The following PHACTR1 variants were observed in gnomAD, a reference collection of about 807,000 sequenced individuals.
The protein encoded by PHACTR1 is phosphatase and actin regulator 1, also known as RPEL repeat containing 1.
In PHACTR1, 16 loss-of-function variants were observed where a neutral mutation model predicts 69.2. The observed-to-expected ratio is 0.23, with a 90% confidence interval of 0.16 to 0.35. PHACTR1 has a LOEUF of 0.35. Among genes scored for constraint, PHACTR1 ranks in the 10% least tolerant of loss-of-function variants. The pLI is 1.00. For missense variants in PHACTR1, 510 were observed against 734.7 expected, an observed-to-expected ratio of 0.69 and a Z score of 3.54; for synonymous variants, 312 against 284.5, an observed-to-expected ratio of 1.10 and a Z score of -0.97.
rs553841394 is a variant in PHACTR1 at position 12,782,716 on chromosome 6, A to C, written c.250+32926A>C. Among the ~76,000 whole-genome samples, 3 of 152,362 alleles carry C rather than the reference A, an allele frequency of 2.0e-5. No homozygotes were observed. In the South Asian group the frequency reaches 6.2e-4, roughly 32 times the overall value. ...ATAATGGCCAGCCATAGAATTAAAA[A>C]AGAGGACTACTATTAATTAGACAGG... On this transcript the variant is annotated intron_variant, in intron 4 of 14. Coordinates refer to ENST00000332995, the MANE Select transcript of PHACTR1 (RefSeq NM_030948.6).
intron 4 of PHACTR1, among the ~76,000 whole-genome samples, chr6:12,867,607 T>C (rs933553342): frequency 4.6e-5 from 7 of 152,212 alleles, no homozygotes; most frequent in Non-Finnish European, 4.4e-5. Flanking sequence ...ATTTTAACAC[T>C]AGCCCTCTTG....
At chr6:13,250,240 G>A (rs1423936435) in intron 10 of PHACTR1, among the ~76,000 whole-genome samples, 2 of 152,170 alleles carry the variant, frequency 1.3e-5, no homozygotes, top group Non-Finnish European at 2.9e-5. Flanking sequence ...TCACAGTGCT[G>A]ATCCTAGATC....
At chr6:13,061,347 ACC>A (rs1194634109) in intron 5 of PHACTR1, among the ~76,000 whole-genome samples, 1 of 152,154 alleles carries the variant, frequency 6.6e-6, no homozygotes, top group Admixed American at 6.5e-5. Flanking sequence ...TTGGCAGGGG[ACC>A]CACTGCAGTA....
intron 4 of PHACTR1, among the ~76,000 whole-genome samples, chr6:13,039,274 TA>T (rs1422403523): frequency 4.6e-5 from 7 of 152,232 alleles, no homozygotes; most frequent in Non-Finnish European, 1.0e-4. Flanking sequence ...ACTATTCAGA[TA>T]GTTGCTGTGA....
intron 4 of PHACTR1, among the ~76,000 whole-genome samples, chr6:12,905,491 C>T (rs1430809532): frequency 2.0e-5 from 3 of 152,204 alleles, no homozygotes; most frequent in Non-Finnish European, 2.9e-5. Flanking sequence ...TGCTATTCTT[C>T]TGGGGTCCAG....
intron 5 of PHACTR1, among the ~76,000 whole-genome samples, chr6:13,067,242 C>T (rs2127765802): frequency 6.6e-6 from 1 of 152,278 alleles, no homozygotes; most frequent in Non-Finnish European, 1.5e-5. Flanking sequence ...ATTAACTTCA[C>T]TTGACAGGTG....
rs929951887 is a variant in PHACTR1 at position 13,053,438 on chromosome 6, C to T, written c.324C>T (p.Arg108=). ...LVPGTHTPPI[R]RRSKFANLGR... is the part of the protein sequence containing the mutation. ...CAGGCACCCACACCCCACCCATCCGCAGGAGAAGTAAGTTTGCCAACCTGG... is the reference window on the plus strand; with the variant it reads ...CAGGCACCCACACCCCACCCATCCGTAGGAGAAGTAAGTTTGCCAACCTGG... The change falls in exon 5 of 15, where the codon CGC becomes CGT. Residue 108 remains arginine (R), a synonymous_variant. Transcript: ENST00000332995. 1 of 1,613,812 alleles carries T rather than the reference C, an allele frequency of 6.2e-7. No individual in the cohort carries two copies. Among genetic ancestry groups the T allele is most frequent in the Non-Finnish European group, 8.5e-7 (1 of 1,179,828 alleles).
chr6:13,231,115 AAG>A (rs35635704), intron 10 of PHACTR1, among the ~76,000 whole-genome samples: 28,714 of 65,848 alleles, frequency 0.44, 10,391 homozygotes, highest in Admixed American at 0.55. Context: ...GAAAGAAGGA[AAG>A]AGAGAAAGAA....
intron 4 of PHACTR1, among the ~76,000 whole-genome samples, chr6:12,899,342 G>C (rs527960074): frequency 6.6e-6 from 1 of 152,244 alleles, no homozygotes; most frequent in African/African-American, 2.4e-5. Flanking sequence ...CATTTTAAAG[G>C]CATTAAAGTA....
intron 6 of PHACTR1, among the ~76,000 whole-genome samples, chr6:13,168,643 G>A (rs1385748897): frequency 3.3e-5 from 5 of 152,140 alleles, no homozygotes; most frequent in African/African-American, 7.2e-5. Context: ...ATCACCCGCC[G>A]AGGCCTGGGG....
intron 7 of PHACTR1, among the ~76,000 whole-genome samples, chr6:13,186,226 T>G (rs769177392): frequency 5.3e-5 from 8 of 152,222 alleles, no homozygotes; most frequent in Non-Finnish European, 1.2e-4. Context: ...CCCATAAGCC[T>G]CCTTCTAGGC....
intron 4 of PHACTR1, among the ~76,000 whole-genome samples, chr6:12,976,006 A>G (rs577984693): frequency 3.0e-4 from 46 of 152,200 alleles, no homozygotes; most frequent in Non-Finnish European, 6.5e-4. Context: ...GGCGGGAGGA[A>G]TGGGAAAATT....
At chr6:12,984,788 A>T (rs58642921) in intron 4 of PHACTR1, among the ~76,000 whole-genome samples, 70,850 of 151,718 alleles carry the variant, frequency 0.47, 17,983 homozygotes, top group African/African-American at 0.67. Flanking sequence ...TCATAAGGAA[A>T]AAGCAAACCG....
At chr6:12,850,530 C>G (rs915077931) in intron 4 of PHACTR1, among the ~76,000 whole-genome samples, 2 of 152,242 alleles carry the variant, frequency 1.3e-5, no homozygotes, top group African/African-American at 4.8e-5. Context: ...AGTTGGGTCT[C>G]CAGTAGCCTT....
intron 4 of PHACTR1, among the ~76,000 whole-genome samples, chr6:12,831,721 C>T (rs190651172): frequency 2.4e-4 from 36 of 152,252 alleles, no homozygotes; most frequent in African/African-American, 8.2e-4. Context: ...AATGCTCATA[C>T]AGTAATGACT....
intron 5 of PHACTR1, among the ~76,000 whole-genome samples, chr6:13,070,810 T>TAA (rs34885772): frequency 1.2e-4 from 18 of 151,426 alleles, no homozygotes; most frequent in South Asian, 4.2e-4. Flanking sequence ...TTTGCCTGCT[T>TAA]AAAAAAAACA....
At chr6:12,790,693 T>A (rs1025855442) in intron 4 of PHACTR1, among the ~76,000 whole-genome samples, 13 of 152,162 alleles carry the variant, frequency 8.5e-5, no homozygotes, top group African/African-American at 3.1e-4. Flanking sequence ...TAGAAGTACA[T>A]AGGATGGATC....
intron 5 of PHACTR1, among the ~76,000 whole-genome samples, chr6:13,148,943 G>A (rs1185210834): frequency 6.6e-6 from 1 of 152,220 alleles, no homozygotes; most frequent in Non-Finnish European, 1.5e-5. Context: ...GACCACAGGA[G>A]TGCAGGTAGG....
chr6:12,943,154 T>G (rs1790230125), intron 4 of PHACTR1, among the ~76,000 whole-genome samples: 1 of 152,152 alleles, frequency 6.6e-6, no homozygotes, highest in African/African-American at 2.4e-5. Flanking sequence ...ACAAACAATA[T>G]GTGGCATATC....
Sources: allele counts gnomAD v4.1 joint callset (sites outside exome capture counted in the v4.1 genomes callset), GRCh38; gene constraint gnomAD v4.1.1; transcripts MANE v1.5; gene names NCBI Gene and HGNC (gene_info 2026-07-23, HGNC 2026-07-21).